The following PTPRR variants were observed in gnomAD, a reference collection of about 807,000 sequenced individuals.
PTPRR encodes protein tyrosine phosphatase receptor type R, also known as receptor-type tyrosine-protein phosphatase R.
A neutral mutation model predicts 77.2 loss-of-function variants in PTPRR; 38 were observed. The observed-to-expected ratio is 0.49, with a 90% CI of 0.38 to 0.65. The LOEUF is 0.65. Among genes scored for constraint, PTPRR ranks in the 30% least tolerant of loss-of-function variants. The pLI is 0.00. For missense variants in PTPRR, 744 were observed against 799.2 expected, an observed-to-expected ratio of 0.93 and a Z score of 0.83; for synonymous variants, 299 against 283.1, an observed-to-expected ratio of 1.06 and a Z score of -0.57.
In PTPRR at chr12:70,701,189, G is replaced by A. The variant is rs866843434; in HGVS notation, c.1142C>T (p.Ser381Phe). The A allele has an allele frequency of 6.2e-7, 1 of 1,613,944 alleles. No homozygotes were observed. The highest frequency in any genetic ancestry group is 1.1e-5 in the South Asian group (1 of 91,078). ...ACTTGCCACGACGTCCCTCAGCTGA[G>A]ACCTTGTGAGAATTCGGCTGGCTGA... ...LQSASRILTR[S>F]QLRDVVASSH... The change falls in exon 7 of 14, where the codon TCT (serine) becomes TTT (phenylalanine). Residue 381 changes from serine (S) to phenylalanine (F), a missense_variant. Coordinates refer to ENST00000283228, the MANE Select transcript of PTPRR (RefSeq NM_002849.4).
intron 10 of PTPRR, 26 bp downstream of exon 10, chr12:70,684,101 A>G (rs369437512): frequency 1.6e-5 from 25 of 1,610,160 alleles, no homozygotes; most frequent in Non-Finnish European, 2.0e-5. Flanking sequence ...CACATATAAC[A>G]TTCAGAACTT....
intron 2 of PTPRR, among the ~76,000 whole-genome samples, chr12:70,880,359 C>T (rs1893128024): frequency 6.6e-6 from 1 of 152,166 alleles, no homozygotes; most frequent in South Asian, 2.1e-4. Context: ...TAACACAGTT[C>T]TACTGACTCC....
rs530667986 is a variant in PTPRR at position 70,905,403 on chromosome 12, T to G, written c.59-12426A>C. ...GTCTTCATTGAGAGTTCAGTGACAGTTTTCCCTACCTGTGAGGGATAGAGT... is the reference window on the plus strand; with the variant it reads ...GTCTTCATTGAGAGTTCAGTGACAGGTTTCCCTACCTGTGAGGGATAGAGT... On this transcript the variant is annotated intron_variant, in intron 1 of 13. Transcript: ENST00000283228. Among the ~76,000 whole-genome samples the G allele has an allele frequency of 7.2e-4, 110 of 152,014 alleles. 1 individual carries two copies. Among genetic ancestry groups the G allele is most frequent in the South Asian group, 4.8e-3 (23 of 4,826 alleles).
intron 2 of PTPRR, among the ~76,000 whole-genome samples, chr12:70,798,717 G>T (rs1891559736): frequency 1.3e-5 from 2 of 152,072 alleles, no homozygotes; most frequent in South Asian, 4.1e-4. Context: ...CATGGAGGCT[G>T]CTCTAATCAT....
intron 2 of PTPRR, 24 bp downstream of exon 2, chr12:70,892,655 G>A: frequency 6.2e-7 from 1 of 1,605,838 alleles, no homozygotes; most frequent in Non-Finnish European, 8.5e-7. Flanking sequence ...ATCAGCCTCA[G>A]CATCAGTTTA....
intron 2 of PTPRR, among the ~76,000 whole-genome samples, chr12:70,830,816 C>T (rs1043723573): frequency 6.6e-6 from 1 of 152,180 alleles, no homozygotes; most frequent in African/African-American, 2.4e-5. Context: ...TGCAAATGAC[C>T]TGCCTGAAAT....
intron 10 of PTPRR, among the ~76,000 whole-genome samples, chr12:70,675,892 CTT>C (rs1047296484): frequency 1.4e-5 from 2 of 141,512 alleles, no homozygotes; most frequent in Non-Finnish European, 1.6e-5. Flanking sequence ...ATAGAAAAGC[CTT>C]TTTTTTTTTG....
intron 13 of PTPRR, among the ~76,000 whole-genome samples, chr12:70,655,807 T>C (rs1238137494): frequency 1.3e-5 from 2 of 152,218 alleles, no homozygotes; most frequent in Admixed American, 6.5e-5. Flanking sequence ...CAGAGATTGG[T>C]TGTACAACAA....
At chr12:70,906,359 C>G (rs1411550161) in intron 1 of PTPRR, among the ~76,000 whole-genome samples, 1 of 151,844 alleles carries the variant, frequency 6.6e-6, no homozygotes, top group Non-Finnish European at 1.5e-5. Flanking sequence ...TAAGTTTTTC[C>G]ATAAATAGTA....
chr12:70,917,055 A>T (rs1474518213), intron 1 of PTPRR, among the ~76,000 whole-genome samples: 1 of 152,218 alleles, frequency 6.6e-6, no homozygotes. Flanking sequence ...AACACTATAA[A>T]TAATATCTCC....
intron 4 of PTPRR, among the ~76,000 whole-genome samples, chr12:70,757,025 T>C (rs1890579875): frequency 6.6e-6 from 1 of 152,200 alleles, no homozygotes; most frequent in African/African-American, 2.4e-5. Context: ...CACTGTACTG[T>C]GCACAATGTG....
chr12:70,732,275 C>G (rs1161395724), intron 6 of PTPRR, among the ~76,000 whole-genome samples: 1 of 152,108 alleles, frequency 6.6e-6, no homozygotes, highest in Non-Finnish European at 1.5e-5. Flanking sequence ...AGGATTCTGT[C>G]AGGAAAAAAT....
intron 8 of PTPRR, among the ~76,000 whole-genome samples, chr12:70,691,397 C>CCTTTTCGGTGG (rs1888052097): frequency 1.3e-5 from 2 of 152,106 alleles, no homozygotes; most frequent in African/African-American, 4.8e-5. Context: ...TTCCAATCTC[C>CCTTTTCGGTGG]TGCTCATTTA....
chr12:70,805,385 G>A (rs1891691487), intron 2 of PTPRR, among the ~76,000 whole-genome samples: 1 of 151,960 alleles, frequency 6.6e-6, no homozygotes, highest in Non-Finnish European at 1.5e-5. Flanking sequence ...GGCCCAGGCT[G>A]GAGTAGAGTG....
chr12:70,850,030 A>G lies in PTPRR; in HGVS notation c.357+42649T>C, dbSNP rs1437938856. Among the ~76,000 whole-genome samples the G allele has an allele frequency of 3.3e-5, 5 of 152,332 alleles. No individual in the cohort carries two copies. The East Asian group carries it at 9.6e-4, about 29-fold the overall frequency. ...AAAATCAAAATTAATTTGAACTTAG[A>G]CATTTAAATGTAGTGATACATTTCT... On this transcript the variant is annotated intron_variant, in intron 2 of 13. Transcript: ENST00000283228.
intron 1 of PTPRR, among the ~76,000 whole-genome samples, chr12:70,906,020 C>T (rs761279052): frequency 2.0e-5 from 3 of 151,750 alleles, no homozygotes; most frequent in Admixed American, 6.6e-5. Flanking sequence ...GTTAATGCCT[C>T]TCAGGAAAAT....
Position 70,684,211 on chromosome 12 carries a change from G to A in PTPRR, c.1413C>T (p.Asn471=). 6.2e-7 allele frequency: 1 copy of A among 1,614,102 alleles called. No individual in the cohort carries two copies. Among genetic ancestry groups the A allele is most frequent in the Non-Finnish European group, 8.5e-7 (1 of 1,179,974 alleles). The change falls in exon 10 of 14, where the codon AAC becomes AAT. Residue 471 remains asparagine, a synonymous_variant. Coordinates refer to ENST00000283228, the MANE Select transcript of PTPRR (RefSeq NM_002849.4). ...AFIATQGPMI[N]TVDDFWQMVW... is the part of the protein sequence containing the mutation. ...CCATCTGCCAGAAATCATCCACGGTGTTGATCATGGGGCCCTGCGTGGCAA... is the reference window on the plus strand; with the variant it reads ...CCATCTGCCAGAAATCATCCACGGTATTGATCATGGGGCCCTGCGTGGCAA...
At chr12:70,873,792 G>T (rs1172576375) in intron 2 of PTPRR, among the ~76,000 whole-genome samples, 1 of 152,112 alleles carries the variant, frequency 6.6e-6, no homozygotes, top group African/African-American at 2.4e-5. Context: ...GGGTGGGTAA[G>T]AGAAAATACA....
intron 6 of PTPRR, among the ~76,000 whole-genome samples, chr12:70,720,412 G>A (rs748138003): frequency 8.6e-5 from 13 of 152,000 alleles, no homozygotes; most frequent in Non-Finnish European, 1.9e-4. Context: ...CTGGCATATA[G>A]CAACTGCTCC....
Sources: allele counts gnomAD v4.1 joint callset (sites outside exome capture counted in the v4.1 genomes callset), GRCh38; gene constraint gnomAD v4.1.1; transcripts MANE v1.5; gene names NCBI Gene and HGNC (gene_info 2026-07-23, HGNC 2026-07-21).